Variants in RYR1 observed in about 807,000 individuals in gnomAD.
The protein encoded by RYR1 is ryanodine receptor 1.
Under a neutral mutation model 583.5 loss-of-function variants are expected in RYR1, and 342 were observed. That is an observed-to-expected ratio of 0.59 (90% CI 0.54 to 0.64). The LOEUF (loss-of-function observed/expected upper bound fraction) is 0.64, where lower values mean the gene tolerates loss of function less well. RYR1 is among the 30% of genes least tolerant of loss of function. The pLI is 0.00. For missense variants in RYR1, 6,032 were observed against 6,917.2 expected (o/e 0.87, Z 4.54); for synonymous variants, 2,791 against 2,822.5 (o/e 0.99, Z 0.35).
intron 96 of RYR1, 136 bp from the exon 97 acceptor site, chr19:38,575,783 A>G (rs1468829193): frequency 2.2e-6 from 2 of 910,794 alleles, no homozygotes; most frequent in African/African-American, 1.6e-5. Flanking sequence ...AGCCTGGGCA[A>G]CAGAGTGAGA....
intron 83 of RYR1, among the ~76,000 whole-genome samples, chr19:38,537,670 C>T (rs1045558534): frequency 1.3e-5 from 2 of 152,154 alleles, no homozygotes; most frequent in Non-Finnish European, 2.9e-5. Context: ...CTTGGGTCTC[C>T]GTCTGCTGAT....
chr19:38,463,711 G>C, intron 21 of RYR1, 36 bp from the exon 22 acceptor site: 1 of 1,589,346 alleles, frequency 6.3e-7, no homozygotes, highest in Non-Finnish European at 8.6e-7. Flanking sequence ...GGGAAGGAAA[G>C]GGGAGCACAT....
chr19:38,504,950 A>G (rs1391589798), intron 51 of RYR1, 39 bp downstream of exon 51: 7 of 1,613,948 alleles, frequency 4.3e-6, no homozygotes, highest in African/African-American at 2.7e-5. Context: ...GGAAGATTTC[A>G]GGGGTGGAGG....
chr19:38,512,047 C>A lies in RYR1; in HGVS notation c.9173-25C>A. On this transcript the variant is annotated intron_variant, in intron 61 of 105. Coordinates refer to ENST00000359596, the MANE Select transcript of RYR1 (RefSeq NM_000540.3). This position sits in a 1 kb window ranked among gnomAD's most constrained non-coding sequence, Gnocchi z 5.1. ...CCTCTGTCCTCTTAGCCATGGCATC[C>A]CCCCGGCCCATCTTCCTCTCCCAGG... The A allele has an allele frequency of 6.2e-7, 1 of 1,611,650 alleles. No individual in the cohort carries two copies.
At position 38,534,811 on chromosome 19, in the gene RYR1, CCT is replaced by C; in HGVS notation, c.11352_11353del (p.Cys3785GlnfsTer25). ...GAGATGGTGCTGCAGATGATCAGTG[CCT>C]GCAAAGGTGCCCCTCACATGTGCAC... On this transcript the variant is annotated frameshift_variant, in exon 79 of 106. Coordinates refer to ENST00000359596, the MANE Select transcript of RYR1 (RefSeq NM_000540.3). LOFTEE classifies it high-confidence loss of function. The C allele has an allele frequency of 6.2e-7, 1 of 1,612,352 alleles. No homozygotes were observed. The highest frequency in any genetic ancestry group is 8.5e-7 in the Non-Finnish European group (1 of 1,179,476).
At chr19:38,553,153 C>T (rs1442726555) in intron 89 of RYR1, among the ~76,000 whole-genome samples, 2 of 151,406 alleles carry the variant, frequency 1.3e-5, no homozygotes, top group Admixed American at 6.6e-5. Flanking sequence ...GGCAACATGG[C>T]GAACCTCCCC....
At chr19:38,515,630 C>CA (rs200154580) in intron 64 of RYR1, among the ~76,000 whole-genome samples, 7 of 151,540 alleles carry the variant, frequency 4.6e-5, no homozygotes, top group Non-Finnish European at 7.4e-5. Flanking sequence ...TCCATCTCTA[C>CA]AAAAAAAAAT....
chr19:38,478,462 G>T lies in RYR1; in HGVS notation c.4482G>T (p.Val1494=). Reference sequence around the variant, plus strand: ...TCAAGTGTAGCAACTGCTACATGGTGTGGGGCGGAGACTTTGTGAGTCCCG... The same window carrying T: ...TCAAGTGTAGCAACTGCTACATGGTTTGGGGCGGAGACTTTGTGAGTCCCG... The part of the protein sequence containing the change: ...SSLKCSNCYM[V]WGGDFVSPGQ... Residue 1494 remains valine, a synonymous_variant, in exon 31 of 106, where the codon GTG becomes GTT. Coordinates refer to ENST00000359596, the MANE Select transcript of RYR1 (RefSeq NM_000540.3). 1 of 1,614,006 alleles carries T rather than the reference G, an allele frequency of 6.2e-7. No homozygotes were observed. Among genetic ancestry groups the T allele is most frequent in the Non-Finnish European group, 8.5e-7 (1 of 1,180,044 alleles).
chr19:38,477,958 G>C, intron 30 of RYR1, 88 bp downstream of exon 30: 1 of 1,367,522 alleles, frequency 7.3e-7, no homozygotes, highest in Non-Finnish European at 1.0e-6. Flanking sequence ...TGGCTGCCTG[G>C]TTGTGGGACC....
intron 23 of RYR1, among the ~76,000 whole-genome samples, chr19:38,465,218 C>A (rs1968030403): frequency 6.6e-6 from 1 of 152,070 alleles, no homozygotes; most frequent in South Asian, 2.1e-4. Context: ...CACCTGTAAT[C>A]CCAGCACTTT....
intron 89 of RYR1, among the ~76,000 whole-genome samples, chr19:38,557,051 C>CTT (rs35027525): frequency 0.16 from 17,061 of 108,836 alleles, 2,446 homozygotes; most frequent in Non-Finnish European, 0.18. Context: ...AGTCTCATTT[C>CTT]TTTTTTTTTT....
Position 38,529,448 on chromosome 19 carries a change from C to T in RYR1, c.11141+391C>T, listed in dbSNP as rs191030752. Among the ~76,000 whole-genome samples, 679 of 152,292 alleles carry T rather than the reference C, an allele frequency of 4.5e-3. 2 individuals are homozygous for T. Among genetic ancestry groups the T allele is most frequent in the Non-Finnish European group, 7.6e-3 (514 of 68,024 alleles). ...TGAGCCGAGATCATACCACTGCACTCCAGCCTGGGCGACAGAGCGAGACTC... is the reference window on the plus strand; with the variant it reads ...TGAGCCGAGATCATACCACTGCACTTCAGCCTGGGCGACAGAGCGAGACTC... On this transcript the variant is annotated intron_variant, in intron 76 of 105. Coordinates refer to ENST00000359596, the MANE Select transcript of RYR1 (RefSeq NM_000540.3).
chr19:38,443,910 G>A, intron 5 of RYR1, 114 bp downstream of exon 5: 1 of 1,002,938 alleles, frequency 1.0e-6, no homozygotes, highest in Non-Finnish European at 1.6e-6. Flanking sequence ...GACATGAATG[G>A]GGGCTTCGTA....
Position 38,565,886 on chromosome 19 carries a change from A to G in RYR1, c.13437+115A>G. On this transcript the variant is annotated intron_variant, in intron 91 of 105. Coordinates refer to ENST00000359596, the MANE Select transcript of RYR1 (RefSeq NM_000540.3). This position sits in a 1 kb window ranked among gnomAD's most constrained non-coding sequence, Gnocchi z 4.7. Reference sequence around the variant, plus strand: ...GAGAGAACTGGCTAGGGGGATGGGCACACGCACCCACGGAGGACGCACCCA... The same window carrying G: ...GAGAGAACTGGCTAGGGGGATGGGCGCACGCACCCACGGAGGACGCACCCA... 2 of 1,184,092 alleles carry G rather than the reference A, an allele frequency of 1.7e-6. No individual in the cohort carries two copies. The highest frequency in any genetic ancestry group is 1.6e-5 in the African/African-American group (1 of 62,412). The allele number at this position is 1,184,092 out of a possible 1,614,324, so 73.3% of individuals were successfully genotyped here.
chr19:38,508,506 CG>C, intron 58 of RYR1, among the ~76,000 whole-genome samples: 1 of 152,302 alleles, frequency 6.6e-6, no homozygotes, highest in African/African-American at 2.4e-5. Flanking sequence ...CCACCGCACC[CG>C]GCTTGCCAGT....
Position 38,536,099 on chromosome 19 carries a change from CCT to C in RYR1, c.11590+30_11590+31del, listed in dbSNP as rs773079905. On this transcript the variant is annotated intron_variant, in intron 82 of 105. Transcript: ENST00000359596. ...AGGCCCTCCCTTGGGCTTCCCACCCCCTGAGACATCTTCCTTTGGGATTCCTC... is the reference window on the plus strand; with the variant it reads ...AGGCCCTCCCTTGGGCTTCCCACCCCGAGACATCTTCCTTTGGGATTCCTC... The C allele has an allele frequency of 8.2e-6, 13 of 1,587,308 alleles. 1 individual carries two copies. In the South Asian group the frequency reaches 1.0e-4, roughly 12 times the overall value.
rs1013907556 is a variant in RYR1, at chr19:38,586,515, T to C, written c.14970-10T>C. ...TTCTGACTTGTCTCCTGTGGTCCTC[T>C]CACCCTCAGGTTTTTCCTGATGTAT... is the stretch of plus-strand genomic sequence containing the variant. On this transcript the variant is annotated splice_polypyrimidine_tract_variant and intron_variant, in intron 104 of 105. Coordinates refer to ENST00000359596, the MANE Select transcript of RYR1 (RefSeq NM_000540.3). 5.6e-6 allele frequency: 9 copies of C among 1,613,294 alleles called. No homozygotes were observed. In the Admixed American group the frequency reaches 6.7e-5, roughly 12 times the overall value.
chr19:38,440,331 G>A (rs550545344), intron 1 of RYR1, among the ~76,000 whole-genome samples: 1 of 152,244 alleles, frequency 6.6e-6, no homozygotes, highest in Non-Finnish European at 1.5e-5. Flanking sequence ...TTGAGGTCAG[G>A]AGTTCGAGAG....
intron 89 of RYR1, among the ~76,000 whole-genome samples, chr19:38,558,202 T>G (rs1404468600): frequency 7.9e-5 from 12 of 151,962 alleles, no homozygotes; most frequent in Non-Finnish European, 1.5e-5. Context: ...TGGTCCCAAC[T>G]TGGAAGGCTA....
Sources: gnomAD v4.1 joint callset for allele counts (sites outside exome capture counted in the v4.1 genomes callset) on GRCh38, gnomAD v4.1.1 for gene constraint, Gnocchi (gnomAD v3.1) non-coding constraint, MANE v1.5 for transcripts, NCBI Gene and HGNC (gene_info 2026-07-23, HGNC 2026-07-21) for gene names.